Variants in NCOR1 observed in about 807,000 individuals in gnomAD.
The protein encoded by NCOR1 is nuclear receptor corepressor 1, also known as protein phosphatase 1, regulatory subunit 109.
NCOR1 carries 63 observed loss-of-function variants against 288.1 expected under a neutral mutation model. That is an observed-to-expected ratio of 0.22 (90% CI 0.18 to 0.27). The LOEUF (loss-of-function observed/expected upper bound fraction) is 0.27. NCOR1 is among the 10% of genes least tolerant of loss of function. NCOR1 has a pLI of 1.00. For missense variants in NCOR1, 2,397 were observed against 3,019.2 expected, an observed-to-expected ratio of 0.79 and a Z score of 4.83; for synonymous variants, 1,007 against 1,065.9, an observed-to-expected ratio of 0.94 and a Z score of 1.08.
chr17:16,196,393 G>A lies in NCOR1; in HGVS notation c.-70-1754C>T, dbSNP rs1468012624. ...ACTTTAAAATAAAACTTATAGGCTGGCCACAGTGGCTCACACCTGTAATCC... is the reference window on the plus strand; with the variant it reads ...ACTTTAAAATAAAACTTATAGGCTGACCACAGTGGCTCACACCTGTAATCC... On this transcript the variant is annotated intron_variant, in intron 1 of 45. Coordinates refer to ENST00000268712, the MANE Select transcript of NCOR1 (RefSeq NM_006311.4). Among the ~76,000 whole-genome samples, 7 of 152,022 alleles carry A rather than the reference G, an allele frequency of 4.6e-5. No individual in the cohort carries two copies. The East Asian group carries it at 1.3e-3, about 29-fold the overall frequency.
rs1483458874 is a variant in NCOR1, at chr17:16,065,495, T to C, written c.4941A>G (p.Pro1647=). 2.5e-6 allele frequency: 4 copies of C among 1,614,208 alleles called. No individual in the cohort carries two copies. The highest frequency in any genetic ancestry group is 3.4e-6 in the Non-Finnish European group (4 of 1,180,028). Residue 1647 remains proline (P), a synonymous_variant, in exon 33 of 46, where the codon CCA becomes CCG. Coordinates refer to ENST00000268712, the MANE Select transcript of NCOR1 (RefSeq NM_006311.4). ...TGCAAAGACACACACCTCTCGTTGCTGGGTATGGGAGACCCAGTGGCTGCT... is the reference window on the plus strand; with the variant it reads ...TGCAAAGACACACACCTCTCGTTGCCGGGTATGGGAGACCCAGTGGCTGCT... The part of the protein sequence containing the change: ...PREQPLGLPY[P]ATRGIIDLTN...
chr17:16,110,377 CAA>C (rs1030868795), intron 18 of NCOR1, among the ~76,000 whole-genome samples: 2 of 151,656 alleles, frequency 1.3e-5, no homozygotes, highest in African/African-American at 4.8e-5. Flanking sequence ...AACAAAAAAA[CAA>C]AAATTTTTTT....
At chr17:16,062,921 C>G (rs574735266) in intron 35 of NCOR1, among the ~76,000 whole-genome samples, 1 of 152,318 alleles carries the variant, frequency 6.6e-6, no homozygotes, top group African/African-American at 2.4e-5. Flanking sequence ...CAAGTCAGAG[C>G]TTGGACTTGG....
intron 3 of NCOR1, among the ~76,000 whole-genome samples, chr17:16,181,211 A>ATGTATGTGTG (rs758395387): frequency 1.5e-4 from 21 of 139,580 alleles, no homozygotes; most frequent in East Asian, 4.5e-4. Context: ...ATATATATGT[A>ATGTATGTGTG]TGTGTGTGTG....
chr17:16,143,889 T>C (rs1476937425), intron 10 of NCOR1, among the ~76,000 whole-genome samples, 193 bp from the exon 11 acceptor site: 3 of 152,186 alleles, frequency 2.0e-5, no homozygotes, highest in Non-Finnish European at 4.4e-5. Context: ...AATGTTACGA[T>C]TGAGATTTGA....
At chr17:16,116,209 T>C (rs2071543032) in intron 18 of NCOR1, among the ~76,000 whole-genome samples, 1 of 152,148 alleles carries the variant, frequency 6.6e-6, no homozygotes, top group Non-Finnish European at 1.5e-5. Context: ...ACTGAGTCCC[T>C]CCCATGACAC....
At chr17:16,204,660 G>A (rs2091269568) in intron 1 of NCOR1, among the ~76,000 whole-genome samples, 1 of 152,154 alleles carries the variant, frequency 6.6e-6, no homozygotes, top group Admixed American at 6.5e-5. Context: ...TTGGAGTAAG[G>A]AAAGTCTTAA....
intron 14 of NCOR1, among the ~76,000 whole-genome samples, chr17:16,127,423 G>A (rs1243473932): frequency 3.1e-5 from 4 of 127,422 alleles, no homozygotes; most frequent in African/African-American, 1.2e-4. Flanking sequence ...ATATATACAT[G>A]TGTATATGTG....
At chr17:16,144,520 G>A (rs111547054) in intron 10 of NCOR1, among the ~76,000 whole-genome samples, 2 of 152,066 alleles carry the variant, frequency 1.3e-5, no homozygotes, top group East Asian at 1.9e-4. Context: ...GGGATTTGTC[G>A]TACAGATTAT....
At chr17:16,084,553 A>G (rs1038213294) in intron 23 of NCOR1, among the ~76,000 whole-genome samples, 1 of 152,214 alleles carries the variant, frequency 6.6e-6, no homozygotes, top group Non-Finnish European at 1.5e-5. Flanking sequence ...GACTTATACT[A>G]CATGATTTCA....
intron 23 of NCOR1, among the ~76,000 whole-genome samples, chr17:16,080,982 T>C (rs1321269955): frequency 1.3e-5 from 2 of 151,946 alleles, no homozygotes; most frequent in Non-Finnish European, 2.9e-5. Context: ...GTATTTACTA[T>C]TAATAAATTA....
intron 22 of NCOR1, chr17:16,087,356 TAA>T (rs1313089249): frequency 5.4e-6 from 7 of 1,302,232 alleles, no homozygotes; most frequent in Non-Finnish European, 7.1e-6. Flanking sequence ...CTATGAAAGT[TAA>T]AGTTATCAAA....
rs1172314779 is a variant in NCOR1, at chr17:16,175,999, C to G, written c.243-4004G>C. Among the ~76,000 whole-genome samples the G allele has an allele frequency of 3.9e-5, 6 of 151,930 alleles. No homozygotes were observed. In the East Asian group the frequency reaches 1.2e-3, roughly 30 times the overall value. ...TGGGAGGTCAAGGTGGGTGGATCAC[C>G]TGAGGTCAGGAGTTCGAGACCAGCC... On this transcript the variant is annotated intron_variant, in intron 3 of 45. Transcript: ENST00000268712.
chr17:16,178,774 G>A (rs2153492000), intron 3 of NCOR1, among the ~76,000 whole-genome samples: 1 of 152,118 alleles, frequency 6.6e-6, no homozygotes, highest in Admixed American at 6.5e-5. Flanking sequence ...CAAGTAAGCT[G>A]AATTCTCTCT....
intron 11 of NCOR1, 24 bp downstream of exon 11, chr17:16,143,582 C>T (rs1385978616): frequency 1.9e-6 from 3 of 1,570,096 alleles, no homozygotes; most frequent in Non-Finnish European, 2.6e-6. Context: ...AACGAATTAA[C>T]TTGAATTAAA....
At chr17:16,117,046 A>G (rs956379494) in intron 18 of NCOR1, among the ~76,000 whole-genome samples, 5 of 152,234 alleles carry the variant, frequency 3.3e-5, no homozygotes, top group African/African-American at 9.6e-5. Flanking sequence ...ATCATCAAAA[A>G]GCTCTATGGT....
Position 16,101,401 on chromosome 17 carries a change from C to T in NCOR1, c.2539G>A (p.Asp847Asn). The change falls in exon 20 of 46, where the codon GAT becomes AAT. Residue 847 changes from aspartate (D) to asparagine (N), a missense_variant. Physicochemically the swap from Asp to Asn is conservative, Grantham distance 23. Around this residue, in one of 11 missense-constraint regions of NCOR1, gnomAD observed 1,872 missense variants for 2,187.8 expected, o/e 0.86. Coordinates refer to ENST00000268712, the MANE Select transcript of NCOR1 (RefSeq NM_006311.4). Reference protein sequence around the residue: ...EGDNTKERDLDRASEKVEPRD... With the variant: ...EGDNTKERDLNRASEKVEPRD... ...GGTTCCACCTTCTCACTGGCTCTAT[C>T]CAAGTCTCTTTCTTTGGTATTATCA... 6.2e-7 allele frequency: 1 copy of T among 1,614,214 alleles called. No homozygotes were observed. Among genetic ancestry groups the T allele is most frequent in the Non-Finnish European group, 8.5e-7 (1 of 1,180,046 alleles).
chr17:16,101,078 A>G (rs1245369662), intron 20 of NCOR1, among the ~76,000 whole-genome samples, 172 bp downstream of exon 20: 1 of 152,236 alleles, frequency 6.6e-6, no homozygotes, highest in Non-Finnish European at 1.5e-5. Context: ...TGATCATACA[A>G]TAGTTTGTGG....
At chr17:16,135,718 C>T (rs1181920692) in intron 14 of NCOR1, among the ~76,000 whole-genome samples, 1 of 152,068 alleles carries the variant, frequency 6.6e-6, no homozygotes, top group Non-Finnish European at 1.5e-5. Context: ...ATACTGTTTC[C>T]AAAGAGCATG....
Sources: gnomAD v4.1 joint callset for allele counts (sites outside exome capture counted in the v4.1 genomes callset) on GRCh38, gnomAD v4.1.1 for gene constraint, gnomAD v4.1.1 regional missense constraint, MANE v1.5 for transcripts, NCBI Gene and HGNC (gene_info 2026-07-23, HGNC 2026-07-21) for gene names.